The following CNTN5 variants were observed in gnomAD, a reference collection of about 807,000 sequenced individuals.
The protein encoded by CNTN5 is contactin-5.
Under a neutral mutation model 129.1 loss-of-function variants are expected in CNTN5, and 77 were observed. The observed-to-expected ratio is 0.60, with a 90% confidence interval of 0.50 to 0.72. CNTN5 has a LOEUF of 0.72. Ranked by LOEUF, CNTN5 falls within the 30% of genes least tolerant of loss-of-function variation. CNTN5 has a pLI of 0.00. For synonymous variants in CNTN5, 509 were observed against 465.6 expected, an observed-to-expected ratio of 1.09 and a Z score of -1.20; for missense variants, 1,478 against 1,328.8, an observed-to-expected ratio of 1.11 and a Z score of -1.75.
chr11:99,766,257 A>G (rs1391233169), intron 3 of CNTN5, among the ~76,000 whole-genome samples: 1 of 152,196 alleles, frequency 6.6e-6, no homozygotes, highest in Non-Finnish European at 1.5e-5. Context: ...TTATCTGTAG[A>G]ATAAAACAGG....
At chr11:99,779,409 C>A (rs1023433904) in intron 3 of CNTN5, among the ~76,000 whole-genome samples, 5 of 151,950 alleles carry the variant, frequency 3.3e-5, no homozygotes, top group African/African-American at 1.2e-4. Context: ...CTTTCAAAGT[C>A]TTCTACTTGT....
intron 1 of CNTN5, among the ~76,000 whole-genome samples, chr11:99,159,994 C>T (rs1191339618): frequency 6.6e-6 from 1 of 152,116 alleles, no homozygotes; most frequent in South Asian, 2.1e-4. Flanking sequence ...GTCTTAGACA[C>T]AGGGAGCACA....
At chr11:99,647,394 T>C (rs1210121924) in intron 3 of CNTN5, among the ~76,000 whole-genome samples, 1 of 152,150 alleles carries the variant, frequency 6.6e-6, no homozygotes, top group African/African-American at 2.4e-5. Flanking sequence ...TCCATTGGTC[T>C]ATGTGTTTGT....
In CNTN5 at chr11:100,061,339, A is replaced by G. The variant is rs199552993; in HGVS notation, c.1108A>G (p.Arg370Gly). 1.6e-5 allele frequency: 26 copies of G among 1,608,914 alleles called. No individual in the cohort carries two copies. In the African/African-American group the frequency reaches 3.5e-4, roughly 21 times the overall value. Residue 370 changes from arginine to glycine, a missense_variant, in exon 10 of 25, where the codon AGA becomes GGA. Physicochemically the swap from Arg to Gly is moderately radical, Grantham distance 125. Coordinates refer to ENST00000524871, the MANE Select transcript of CNTN5 (RefSeq NM_014361.4). ...QLDDAGIYEC[R>G]AENSRGKNSF... is the part of the protein sequence containing the mutation. ...GGATGATGCAGGCATTTATGAGTGC[A>G]GAGCTGAAAACTCACGTGGAAAAAA...
chr11:99,412,450 A>G (rs1254447884), intron 2 of CNTN5, among the ~76,000 whole-genome samples: 1 of 152,246 alleles, frequency 6.6e-6, no homozygotes, highest in Non-Finnish European at 1.5e-5. Context: ...TGTTCAAACA[A>G]TGAATACTAT....
At position 99,473,566 on chromosome 11, in the gene CNTN5, T is replaced by C. The variant is rs1247730807; in HGVS notation, c.-70-82579T>C. On this transcript the variant is annotated intron_variant, in intron 2 of 24. Coordinates refer to ENST00000524871, the MANE Select transcript of CNTN5 (RefSeq NM_014361.4). ...TTTACTGAAGTGATTTTTTTTTTCC[T>C]GCGAACACTTACAAGATTCCTGTTC... Among the ~76,000 whole-genome samples the C allele has an allele frequency of 3.3e-5, 5 of 151,846 alleles. 1 individual carries two copies. In the South Asian group the frequency reaches 8.3e-4, roughly 25 times the overall value.
chr11:99,423,692 G>A (rs1014506597), intron 2 of CNTN5, among the ~76,000 whole-genome samples: 3 of 152,182 alleles, frequency 2.0e-5, no homozygotes, highest in African/African-American at 7.2e-5. Flanking sequence ...TTAAAATGCA[G>A]ATTCTGTTTT....
rs1948069446 is a variant in CNTN5 at position 100,179,392 on chromosome 11, G to A, written c.1581-11734G>A. On this transcript the variant is annotated intron_variant, in intron 13 of 24. Coordinates refer to ENST00000524871, the MANE Select transcript of CNTN5 (RefSeq NM_014361.4). ...CAGAGAAAACTTCTATGGAATAAAT[G>A]TGAAACTTCTCTACTCCTGACATAA... Among the ~76,000 whole-genome samples, 6 of 152,082 alleles carry A rather than the reference G, an allele frequency of 3.9e-5. No homozygotes were observed. The South Asian group carries it at 1.2e-3, about 32-fold the overall frequency.
intron 18 of CNTN5, among the ~76,000 whole-genome samples, chr11:100,292,040 T>A (rs1323173704): frequency 6.6e-6 from 1 of 151,962 alleles, no homozygotes; most frequent in African/African-American, 2.4e-5. Flanking sequence ...CCAGTTTAAT[T>A]TAATTAAAAA....
intron 3 of CNTN5, among the ~76,000 whole-genome samples, chr11:99,753,069 G>A (rs553297938): frequency 1.3e-5 from 2 of 150,036 alleles, no homozygotes; most frequent in East Asian, 3.9e-4. Flanking sequence ...ATTGAAGAAT[G>A]TGTGGGTCTG....
intron 3 of CNTN5, among the ~76,000 whole-genome samples, chr11:99,567,364 G>T (rs943302155): frequency 4.4e-5 from 6 of 135,738 alleles, no homozygotes; most frequent in African/African-American, 1.6e-4. Flanking sequence ...ACAACAAAAG[G>T]CATTTTTTTT....
At chr11:99,750,096 T>C (rs1366092328) in intron 3 of CNTN5, among the ~76,000 whole-genome samples, 1 of 152,192 alleles carries the variant, frequency 6.6e-6, no homozygotes, top group Non-Finnish European at 1.5e-5. Flanking sequence ...AAATAAACTC[T>C]GATTCTTGTG....
At chr11:99,523,098 T>A (rs1310062046) in intron 2 of CNTN5, among the ~76,000 whole-genome samples, 1 of 152,230 alleles carries the variant, frequency 6.6e-6, no homozygotes, top group African/African-American at 2.4e-5. Flanking sequence ...AGCTATCATA[T>A]TTTTCCTCCT....
chr11:99,511,656 C>A (rs1055805873), intron 2 of CNTN5, among the ~76,000 whole-genome samples: 1 of 151,818 alleles, frequency 6.6e-6, no homozygotes, highest in African/African-American at 2.4e-5. Flanking sequence ...TAAAGTCTCC[C>A]ATTATTATTG....
chr11:100,197,098 G>A (rs188651052), intron 15 of CNTN5, among the ~76,000 whole-genome samples: 120 of 152,092 alleles, frequency 7.9e-4, no homozygotes, highest in South Asian at 1.2e-3. Context: ...CAAATGGAAG[G>A]ATTTCAGCAG....
In CNTN5 at chr11:100,281,798, G is replaced by A. The variant is rs145516699; in HGVS notation, c.2314+10557G>A. Among the ~76,000 whole-genome samples, 1,086 of 151,866 alleles carry A rather than the reference G, an allele frequency of 7.2e-3. 6 individuals carry two copies. The highest frequency in any genetic ancestry group is 0.011 in the Non-Finnish European group (753 of 67,936). On this transcript the variant is annotated intron_variant, in intron 18 of 24. Coordinates refer to ENST00000524871, the MANE Select transcript of CNTN5 (RefSeq NM_014361.4). ...TCTTTTTTCTTTTGTCTAGTCTGACGTATATTTTCAAATAGCCTATCTTAA... is the reference window on the plus strand; with the variant it reads ...TCTTTTTTCTTTTGTCTAGTCTGACATATATTTTCAAATAGCCTATCTTAA...
chr11:100,017,501 T>C (rs1940890496), intron 9 of CNTN5, among the ~76,000 whole-genome samples: 1 of 152,096 alleles, frequency 6.6e-6, no homozygotes, highest in East Asian at 1.9e-4. Context: ...AGACTGTATC[T>C]TGAATGTGAT....
chr11:99,702,493 G>T (rs1404777009), intron 3 of CNTN5, among the ~76,000 whole-genome samples: 1 of 150,848 alleles, frequency 6.6e-6, no homozygotes, highest in African/African-American at 2.4e-5. Context: ...AGTATCACTA[G>T]ACATAGGATT....
At chr11:99,133,036 T>A (rs903188586) in intron 1 of CNTN5, among the ~76,000 whole-genome samples, 9 of 152,132 alleles carry the variant, frequency 5.9e-5, no homozygotes, top group Non-Finnish European at 8.8e-5. Flanking sequence ...CAGAACAGCA[T>A]GGTATTGGTA....
Sources: allele counts gnomAD v4.1 joint callset (sites outside exome capture counted in the v4.1 genomes callset), GRCh38; gene constraint gnomAD v4.1.1; transcripts MANE v1.5; gene names NCBI Gene and HGNC (gene_info 2026-07-23, HGNC 2026-07-21).